GRB10: variants seen among roughly 807,000 people sequenced by gnomAD.
GRB10 encodes the protein growth factor receptor-bound protein 10.
A neutral mutation model predicts 80.9 loss-of-function variants in GRB10; 20 were observed. The observed-to-expected ratio is 0.25, with a 90% CI of 0.17 to 0.36. The LOEUF (loss-of-function observed/expected upper bound fraction) is 0.36, where lower values mean the gene tolerates loss of function less well. Among genes scored for constraint, GRB10 ranks in the 10% least tolerant of loss-of-function variants. The probability of loss-of-function intolerance (pLI) is 1.00; values close to 1 mark genes in which losing one functional copy is unlikely to be tolerated. For missense variants in GRB10, 548 were observed against 747.7 expected (o/e 0.73, Z 3.12); for synonymous variants, 291 against 291.5 (o/e 1.00, Z 0.02).
chr7:50,695,477 A>AG (rs5884163), intron 5 of GRB10, among the ~76,000 whole-genome samples: 120,115 of 152,058 alleles, frequency 0.79, 49,072 homozygotes, highest in East Asian at 0.96. Flanking sequence ...TTTCTTAAGC[A>AG]GGGGCAAAGA....
chr7:50,733,143 T>A (rs184089986), intron 3 of GRB10, among the ~76,000 whole-genome samples: 11 of 152,166 alleles, frequency 7.2e-5, no homozygotes, highest in Non-Finnish European at 1.6e-4. Context: ...ATACAAGCGG[T>A]GTTTTTGTAA....
At chr7:50,610,007 G>C (rs2049223412) in intron 13 of GRB10, among the ~76,000 whole-genome samples, 2 of 152,098 alleles carry the variant, frequency 1.3e-5, no homozygotes, top group African/African-American at 2.4e-5. Context: ...TAACAACCCA[G>C]CTCTGCCTTT....
At chr7:50,601,260 A>G (rs545218113) in intron 17 of GRB10, among the ~76,000 whole-genome samples, 2 of 152,354 alleles carry the variant, frequency 1.3e-5, no homozygotes, top group South Asian at 4.1e-4. Context: ...AGGGGTTGGG[A>G]GGCAGAGTTG....
chr7:50,634,024 C>A (rs568552207), intron 7 of GRB10, among the ~76,000 whole-genome samples: 1 of 152,098 alleles, frequency 6.6e-6, no homozygotes, highest in African/African-American at 2.4e-5. Flanking sequence ...TATGCAGATA[C>A]AAGAAATTCA....
chr7:50,693,414 A>T (rs1403677374), intron 5 of GRB10, among the ~76,000 whole-genome samples: 2 of 152,206 alleles, frequency 1.3e-5, no homozygotes, highest in African/African-American at 4.8e-5. Flanking sequence ...CATTGCTACA[A>T]ATTAAAGCTG....
chr7:50,714,330 G>A (rs2066474179), intron 4 of GRB10, among the ~76,000 whole-genome samples: 1 of 152,132 alleles, frequency 6.6e-6, no homozygotes, highest in Non-Finnish European at 1.5e-5. Context: ...GAGGATCAGT[G>A]ACAATGCAAG....
chr7:50,750,900 T>C (rs1377640418), intron 3 of GRB10, among the ~76,000 whole-genome samples: 1 of 152,158 alleles, frequency 6.6e-6, no homozygotes, highest in Non-Finnish European at 1.5e-5. Flanking sequence ...AATCACAGCC[T>C]GGGCTGTCTG....
intron 3 of GRB10, among the ~76,000 whole-genome samples, chr7:50,747,334 C>A (rs1026792860): frequency 6.6e-6 from 1 of 152,182 alleles, no homozygotes; most frequent in African/African-American, 2.4e-5. Context: ...CCCACCGTTC[C>A]CTCCAAATCC....
chr7:50,660,412 G>A (rs1004949949), intron 7 of GRB10, among the ~76,000 whole-genome samples: 3 of 152,046 alleles, frequency 2.0e-5, no homozygotes, highest in African/African-American at 4.8e-5. Context: ...ACGTTCACAC[G>A]GCAAGAGGGG....
rs1468580065 is a variant in GRB10 at position 50,619,235 on chromosome 7, C to T, written c.712G>A (p.Ala238Thr). The stretch of plus-strand genomic sequence containing the variant: ...CTGAATAGAAATTTACTCTCACTGG[C>T]CATGGTACTCTCCACCTGGACCACC... ...ELVVQVESTM[A>T]SESKFLFRKN... Residue 238 changes from alanine (A) to threonine (T), a missense_variant, in exon 9 of 19, where the codon GCC becomes ACC. Coordinates refer to ENST00000401949, the MANE Select transcript of GRB10 (RefSeq NM_001350814.2). 16 of 1,613,728 alleles carry T rather than the reference C, an allele frequency of 9.9e-6. No individual in the cohort carries two copies. The highest frequency in any genetic ancestry group is 1.4e-5 in the Non-Finnish European group (16 of 1,179,824).
chr7:50,731,978 G>A (rs979888041), intron 4 of GRB10, among the ~76,000 whole-genome samples: 3 of 152,198 alleles, frequency 2.0e-5, no homozygotes, highest in Non-Finnish European at 1.5e-5. Flanking sequence ...TTCCAAACAC[G>A]GAAGCCCGGC....
At chr7:50,755,360 C>T (rs921660294) in intron 3 of GRB10, among the ~76,000 whole-genome samples, 1 of 152,220 alleles carries the variant, frequency 6.6e-6, no homozygotes, top group Non-Finnish European at 1.5e-5. Context: ...GGTGCTAACA[C>T]TGCCCTGGTC....
At chr7:50,637,267 T>G (rs2055227570) in intron 7 of GRB10, among the ~76,000 whole-genome samples, 1 of 152,176 alleles carries the variant, frequency 6.6e-6, no homozygotes, top group Non-Finnish European at 1.5e-5. Flanking sequence ...TGCCTTAATC[T>G]TATATTTAGA....
intron 5 of GRB10, among the ~76,000 whole-genome samples, chr7:50,676,346 G>T (rs1046325290): frequency 2.7e-5 from 4 of 150,844 alleles, no homozygotes; most frequent in Admixed American, 2.0e-4. Flanking sequence ...GGGGGGGGGG[G>T]GGGGTTGTAA....
upstream of GRB10, among the ~76,000 whole-genome samples, chr7:50,784,823 GGAAGCCCA>G (rs2078625574): frequency 6.6e-6 from 1 of 152,222 alleles, no homozygotes. Flanking sequence ...TATACTCAGT[GGAAGCCCA>G]GAAAGTCTCA....
intron 13 of GRB10, 146 bp downstream of exon 13, chr7:50,612,595 T>C: frequency 1.4e-6 from 1 of 702,920 alleles, no homozygotes; most frequent in Non-Finnish European, 2.6e-6. Flanking sequence ...TTTAGAAAGA[T>C]GCTTAACTAC....
At chr7:50,746,499 G>A (rs149892329) in intron 3 of GRB10, among the ~76,000 whole-genome samples, 88 of 152,062 alleles carry the variant, frequency 5.8e-4, no homozygotes, top group African/African-American at 1.9e-3. Context: ...AGGGAGGAGC[G>A]GGCACCCTCT....
intron 5 of GRB10, among the ~76,000 whole-genome samples, chr7:50,682,674 A>G (rs1340550747): frequency 6.6e-6 from 1 of 152,218 alleles, no homozygotes; most frequent in Non-Finnish European, 1.5e-5. Context: ...AAAGTTTTAA[A>G]TCAGAAATGA....
intron 17 of GRB10, among the ~76,000 whole-genome samples, chr7:50,599,294 G>A (rs2047193790): frequency 6.6e-6 from 1 of 152,150 alleles, no homozygotes. Flanking sequence ...ATAAAGCTAT[G>A]GAAAATGCTG....
Sources: allele counts gnomAD v4.1 joint callset (sites outside exome capture counted in the v4.1 genomes callset), GRCh38; gene constraint gnomAD v4.1.1; transcripts MANE v1.5; gene names NCBI Gene and HGNC (gene_info 2026-07-23, HGNC 2026-07-21).